AKAP13: variants seen among roughly 807,000 people sequenced by gnomAD.
AKAP13 encodes the protein A-kinase anchor protein 13.
In AKAP13, 80 loss-of-function variants were observed where a neutral mutation model predicts 264.5. The ratio of observed to expected loss-of-function variants is 0.30; its 90% CI spans 0.25 to 0.36. The LOEUF (loss-of-function observed/expected upper bound fraction) is 0.36, where lower values mean the gene tolerates loss of function less well. Among genes scored for constraint, AKAP13 ranks in the 10% least tolerant of loss-of-function variants. AKAP13 has a pLI of 1.00. For missense variants in AKAP13, 3,712 were observed against 3,435.2 expected (o/e 1.08, Z -2.01); for synonymous variants, 1,380 against 1,250.2 (o/e 1.10, Z -2.19).
chr15:85,539,725 A>G (rs1301522584), intron 4 of AKAP13, among the ~76,000 whole-genome samples: 1 of 152,180 alleles, frequency 6.6e-6, no homozygotes, highest in Non-Finnish European at 1.5e-5. Flanking sequence ...GCAGGATGTG[A>G]GACATTTTCT....
intron 5 of AKAP13, among the ~76,000 whole-genome samples, chr15:85,564,184 G>GTTT (rs577503276): frequency 2.6e-3 from 399 of 152,186 alleles, no homozygotes; most frequent in African/African-American, 8.9e-3. Flanking sequence ...GAAGAATGAA[G>GTTT]CAATTTTCAC....
intron 14 of AKAP13, among the ~76,000 whole-genome samples, chr15:85,673,518 C>G (rs938105805): frequency 6.6e-6 from 1 of 152,168 alleles, no homozygotes; most frequent in Non-Finnish European, 1.5e-5. Context: ...CACAGCATTT[C>G]TCCTCCTTGC....
chr15:85,601,649 T>TGTGTGTG (rs1567149362), intron 8 of AKAP13, among the ~76,000 whole-genome samples: 13 of 151,022 alleles, frequency 8.6e-5, no homozygotes, highest in East Asian at 3.9e-4. Flanking sequence ...TGTGTGTGTG[T>TGTGTGTG]TTTTCTTCCA....
chr15:85,445,894 T>A (rs577459397), intron 1 of AKAP13, among the ~76,000 whole-genome samples: 1 of 152,346 alleles, frequency 6.6e-6, no homozygotes, highest in African/African-American at 2.4e-5. Context: ...TTTAATACAA[T>A]CTACAATGTG....
At chr15:85,510,403 A>G (rs2076378775) in intron 2 of AKAP13, among the ~76,000 whole-genome samples, 2 of 152,200 alleles carry the variant, frequency 1.3e-5, no homozygotes, top group African/African-American at 4.8e-5. Context: ...TAATAAATGT[A>G]TAATTATATT....
At chr15:85,561,415 A>T (rs189044709) in intron 5 of AKAP13, among the ~76,000 whole-genome samples, 1 of 152,354 alleles carries the variant, frequency 6.6e-6, no homozygotes, top group East Asian at 1.9e-4. Context: ...AGCTAAGGTT[A>T]AAAGGTTACT....
chr15:85,651,461 G>A (rs2082843705), intron 10 of AKAP13: 1 of 152,130 alleles, frequency 6.6e-6, no homozygotes, highest in African/African-American at 2.4e-5. Flanking sequence ...GTTTTTCGGT[G>A]AAGTTTACAT....
chr15:85,594,804 A>G (rs2079738010), intron 8 of AKAP13, among the ~76,000 whole-genome samples: 1 of 152,190 alleles, frequency 6.6e-6, no homozygotes. Context: ...TAGATATTCC[A>G]TATTAGGTTT....
At chr15:85,619,673 CT>C in intron 8 of AKAP13, 11 of 989,404 alleles carry the variant, frequency 1.1e-5, no homozygotes, top group Non-Finnish European at 1.3e-5. Flanking sequence ...TTATTGCCTT[CT>C]TGGGTTTTTT....
intron 1 of AKAP13, among the ~76,000 whole-genome samples, chr15:85,459,538 C>T (rs747188107): frequency 1.6e-4 from 24 of 151,456 alleles, no homozygotes; most frequent in Non-Finnish European, 2.8e-4. Context: ...CTCGCTCTGT[C>T]GCCCAGGCTG....
intron 9 of AKAP13, among the ~76,000 whole-genome samples, chr15:85,642,673 G>T (rs185682702): frequency 6.6e-6 from 1 of 152,044 alleles, no homozygotes; most frequent in Non-Finnish European, 1.5e-5. Context: ...GCAGACTCTC[G>T]TCCCAAACTT....
intron 1 of AKAP13, among the ~76,000 whole-genome samples, chr15:85,428,691 C>A (rs1004445106): frequency 6.6e-6 from 1 of 152,216 alleles, no homozygotes. Context: ...CTTGGCCTTA[C>A]ACTCACGTTT....
intron 9 of AKAP13, 68 bp from the exon 10 acceptor site, chr15:85,645,750 G>GT (rs2082528652): frequency 2.7e-6 from 4 of 1,486,660 alleles, no homozygotes; most frequent in Non-Finnish European, 2.7e-6. Flanking sequence ...AAAGGAAGTG[G>GT]TTCTTTTTGT....
At chr15:85,728,167 A>C (rs114628010) in intron 29 of AKAP13, among the ~76,000 whole-genome samples, 1 of 152,226 alleles carries the variant, frequency 6.6e-6, no homozygotes, top group Non-Finnish European at 1.5e-5. Flanking sequence ...CCAGAATTCT[A>C]TTCCCTGTCT....
chr15:85,715,085 G>GT (rs879287309), intron 19 of AKAP13, among the ~76,000 whole-genome samples: 32 of 151,934 alleles, frequency 2.1e-4, no homozygotes, highest in African/African-American at 3.1e-4. Flanking sequence ...ACTCTTCTTA[G>GT]TTTTTTTTGT....
chr15:85,486,580 A>C (rs575358424), intron 2 of AKAP13, among the ~76,000 whole-genome samples: 1 of 151,588 alleles, frequency 6.6e-6, no homozygotes, highest in East Asian at 1.9e-4. Flanking sequence ...TTTTTTCTGG[A>C]CTCTGAAGTC....
chr15:85,399,277 A>C (rs1398110560), intron 1 of AKAP13, among the ~76,000 whole-genome samples: 1 of 151,070 alleles, frequency 6.6e-6, no homozygotes, highest in African/African-American at 2.4e-5. Context: ...CGGGTGGATC[A>C]TGAGGTCAGG....
chr15:85,713,954 C>G (rs1351179193), intron 19 of AKAP13, among the ~76,000 whole-genome samples: 3 of 152,146 alleles, frequency 2.0e-5, no homozygotes, highest in African/African-American at 7.2e-5. Flanking sequence ...GAAATATGCA[C>G]TATGAGAACA....
chr15:85,706,354 T>C (rs1380622230), intron 17 of AKAP13, among the ~76,000 whole-genome samples: 1 of 152,174 alleles, frequency 6.6e-6, no homozygotes, highest in Non-Finnish European at 1.5e-5. Flanking sequence ...ATAAAGCCGT[T>C]TGCCTCGACC....
Sources: allele counts gnomAD v4.1 joint callset (sites outside exome capture counted in the v4.1 genomes callset), GRCh38; gene constraint gnomAD v4.1.1; transcripts MANE v1.5; gene names NCBI Gene and HGNC (gene_info 2026-07-23, HGNC 2026-07-21).